Variants in PRKAG2 observed in about 807,000 individuals in gnomAD.
PRKAG2 encodes the protein protein kinase AMP-activated non-catalytic subunit gamma 2.
In PRKAG2, 26 loss-of-function variants were observed where a neutral mutation model predicts 69.6. The observed-to-expected ratio is 0.37, with a 90% confidence interval of 0.27 to 0.52. PRKAG2 has a LOEUF of 0.52. Among genes scored for constraint, PRKAG2 ranks in the 20% least tolerant of loss-of-function variants. The pLI is 0.90. For synonymous variants in PRKAG2, 293 were observed against 285.0 expected (o/e 1.03, Z -0.28); for missense variants, 557 against 740.0 (o/e 0.75, Z 2.87).
At chr7:151,870,028 T>G (rs543118447) in intron 1 of PRKAG2, among the ~76,000 whole-genome samples, 11 of 152,310 alleles carry the variant, frequency 7.2e-5, no homozygotes, top group African/African-American at 2.4e-4. Flanking sequence ...CATCTTTATT[T>G]GGAAGCCAAA....
At chr7:151,625,002 G>A (rs1822508782) in intron 5 of PRKAG2, among the ~76,000 whole-genome samples, 1 of 152,194 alleles carries the variant, frequency 6.6e-6, no homozygotes, top group Admixed American at 6.5e-5. Context: ...TGAAAACCAA[G>A]TTTCACTCAT....
intron 1 of PRKAG2, among the ~76,000 whole-genome samples, chr7:151,868,517 G>A (rs1333177571): frequency 6.6e-6 from 1 of 152,260 alleles, no homozygotes; most frequent in Non-Finnish European, 1.5e-5. Context: ...CAACGTCACA[G>A]CTCAGCTGCC....
At chr7:151,762,313 GC>G (rs2075462079) in intron 3 of PRKAG2, among the ~76,000 whole-genome samples, 1 of 152,216 alleles carries the variant, frequency 6.6e-6, no homozygotes, top group South Asian at 2.1e-4. Context: ...GCAAGAATGA[GC>G]CCAATGGAGG....
At chr7:151,680,018 C>T (rs1373094786) in intron 3 of PRKAG2, among the ~76,000 whole-genome samples, 1 of 152,160 alleles carries the variant, frequency 6.6e-6, no homozygotes, top group Non-Finnish European at 1.5e-5. Flanking sequence ...CACCACTGCA[C>T]TCCAGCCTGG....
intron 5 of PRKAG2, among the ~76,000 whole-genome samples, chr7:151,620,611 G>A (rs1258825650): frequency 6.6e-6 from 1 of 152,026 alleles, no homozygotes; most frequent in Non-Finnish European, 1.5e-5. Flanking sequence ...CTGAGTGGCT[G>A]GGACTACAGG....
At chr7:151,646,794 G>A (rs919926403) in intron 4 of PRKAG2, among the ~76,000 whole-genome samples, 1 of 152,058 alleles carries the variant, frequency 6.6e-6, no homozygotes, top group African/African-American at 2.4e-5. Flanking sequence ...GATTACCTAT[G>A]TCATATTACA....
rs146595726 is a variant in PRKAG2 at position 151,711,456 on chromosome 7, G to A, written c.467-35819C>T. Among the ~76,000 whole-genome samples, 129 of 152,334 alleles carry A rather than the reference G, an allele frequency of 8.5e-4. 2 individuals carry two copies. The highest frequency in any genetic ancestry group is 3.4e-3 in the Middle Eastern group (1 of 294). ...GAGTACTAAGAGTGCTAAGCTTAGA[G>A]CACTAACAGTGCTAGGCTTAGTAGT... On this transcript the variant is annotated intron_variant, in intron 3 of 15. Transcript: ENST00000287878.
intron 3 of PRKAG2, among the ~76,000 whole-genome samples, chr7:151,776,665 G>A (rs1211852545): frequency 6.6e-6 from 1 of 152,242 alleles, no homozygotes. Flanking sequence ...GCAATTCACA[G>A]GCTCACTGAG....
chr7:151,874,722 C>T (rs1292580650), intron 1 of PRKAG2, among the ~76,000 whole-genome samples: 1 of 151,608 alleles, frequency 6.6e-6, no homozygotes, highest in Non-Finnish European at 1.5e-5. Context: ...CTCATGTCTA[C>T]AAAAAAAATA....
intron 3 of PRKAG2, among the ~76,000 whole-genome samples, chr7:151,737,600 T>C (rs951253566): frequency 2.0e-5 from 3 of 151,826 alleles, no homozygotes; most frequent in Non-Finnish European, 2.9e-5. Context: ...GGGGATGGAG[T>C]GTGGGGTGGA....
intron 4 of PRKAG2, among the ~76,000 whole-genome samples, chr7:151,637,259 G>A (rs535871686): frequency 6.6e-6 from 1 of 152,156 alleles, no homozygotes; most frequent in East Asian, 1.9e-4. Context: ...AAAAAACTTG[G>A]AGTGAGCCAA....
chr7:151,721,530 G>A (rs990561137), intron 3 of PRKAG2, among the ~76,000 whole-genome samples: 5 of 152,162 alleles, frequency 3.3e-5, no homozygotes, highest in Non-Finnish European at 7.4e-5. Flanking sequence ...CCTCCCACAG[G>A]AGGCGTGCCA....
At chr7:151,685,421 G>A (rs1328956805) in intron 3 of PRKAG2, among the ~76,000 whole-genome samples, 2 of 152,108 alleles carry the variant, frequency 1.3e-5, no homozygotes, top group Non-Finnish European at 2.9e-5. Context: ...AACATATAAT[G>A]AGTTTATGGT....
intron 3 of PRKAG2, among the ~76,000 whole-genome samples, chr7:151,711,225 C>T (rs1795252510): frequency 6.6e-6 from 1 of 151,632 alleles, no homozygotes; most frequent in Admixed American, 6.6e-5. Flanking sequence ...CAGTGCTAGG[C>T]TTAAAGTGCT....
Position 151,814,284 on chromosome 7 carries a change from G to T in PRKAG2, c.115-27743C>A. 1.9e-6 allele frequency: 1 copy of T among 535,800 alleles called. No homozygotes were observed. The highest frequency in any genetic ancestry group is 2.6e-6 in the Non-Finnish European group (1 of 391,182). 33.2% of individuals were successfully genotyped at this position (535,800 alleles called of 1,614,324 possible). On this transcript the variant is annotated intron_variant, in intron 1 of 15. Transcript: ENST00000287878. This position sits in a 1 kb window ranked among gnomAD's most constrained non-coding sequence, Gnocchi z 4.8. ...GTATCTGATTTAATAAGAGGCTCTT[G>T]GAGAACAAAGCCACAATTCAGCATC...
intron 6 of PRKAG2, among the ~76,000 whole-genome samples, chr7:151,590,213 G>A (rs1256122345): frequency 6.6e-6 from 1 of 152,254 alleles, no homozygotes. Context: ...ACAGCATTCT[G>A]TGAGTGCGCT....
At chr7:151,669,390 G>T (rs1382484178) in intron 4 of PRKAG2, among the ~76,000 whole-genome samples, 2 of 152,200 alleles carry the variant, frequency 1.3e-5, no homozygotes, top group African/African-American at 2.4e-5. Flanking sequence ...CTAGTTGGCT[G>T]CATTTGATGT....
rs960410500 is a variant in PRKAG2, at chr7:151,758,526, T to A, written c.466+22626A>T. On this transcript the variant is annotated intron_variant, in intron 3 of 15. Transcript: ENST00000287878. The stretch of plus-strand genomic sequence containing the variant: ...GAGGAGGGAAAAGGATAAAGGCATG[T>A]TGAGCTCTAGGAGCTGGGAGCCCAC... Among the ~76,000 whole-genome samples the A allele has an allele frequency of 2.0e-5, 3 of 152,348 alleles. No individual in the cohort carries two copies. The East Asian group carries it at 5.8e-4, about 29-fold the overall frequency.
rs199809860 is a variant in PRKAG2, at chr7:151,652,015, CT to C, written c.685-19878del. ...CTGTGACTACAGTTAATAATAAAGA[CT>C]GCTAAGTGTAGATTTTAAGTGTTCT... On this transcript the variant is annotated intron_variant, in intron 4 of 15. Coordinates refer to ENST00000287878, the MANE Select transcript of PRKAG2 (RefSeq NM_016203.4). Among the ~76,000 whole-genome samples, 3 of 152,316 alleles carry C rather than the reference CT, an allele frequency of 2.0e-5. No individual in the cohort carries two copies. In the East Asian group the frequency reaches 5.8e-4, roughly 29 times the overall value.
Sources: gnomAD v4.1 joint callset for allele counts (sites outside exome capture counted in the v4.1 genomes callset) on GRCh38, gnomAD v4.1.1 for gene constraint, Gnocchi (gnomAD v3.1) non-coding constraint, MANE v1.5 for transcripts, NCBI Gene and HGNC (gene_info 2026-07-23, HGNC 2026-07-21) for gene names.